EXTL1: variants seen among roughly 807,000 people sequenced by gnomAD.
EXTL1 encodes exostosin-like 1.
EXTL1 carries 43 observed loss-of-function variants against 64.6 expected under a neutral mutation model. The ratio of observed to expected loss-of-function variants is 0.67; its 90% CI spans 0.52 to 0.86. The LOEUF is 0.86. EXTL1 is among the 40% of genes least tolerant of loss of function. The pLI is 0.00. For missense variants in EXTL1, 766 were observed against 879.0 expected (o/e 0.87, Z 1.62); for synonymous variants, 352 against 360.5 (o/e 0.98, Z 0.27).
Position 26,033,601 on chromosome 1 carries a change from G to A in EXTL1, c.1519-95G>A, listed in dbSNP as rs973193144. The A allele has an allele frequency of 5.4e-5, 72 of 1,344,376 alleles. No individual in the cohort carries two copies. The highest frequency in any genetic ancestry group is 1.8e-4 in the East Asian group (8 of 43,396). The allele number at this position is 1,344,376 out of a possible 1,614,324, so 83.3% of individuals were successfully genotyped here. On this transcript the variant is annotated intron_variant, in intron 8 of 10. Transcript: ENST00000374280. The surrounding 1 kb of genome is among the most constrained non-coding windows in gnomAD (Gnocchi z 5.1). ...GCGCCCTCTCCCCTGAGTCCTGCCC[G>A]GGCCCCTCAGCCAGGCTGCCCCTGC...
rs771066693 is a variant in EXTL1 at position 26,023,293 on chromosome 1, G to T, written c.647G>T (p.Arg216Leu). 3 of 1,571,448 alleles carry T rather than the reference G, an allele frequency of 1.9e-6. No individual in the cohort carries two copies. Among genetic ancestry groups the T allele is most frequent in the Non-Finnish European group, 2.6e-6 (3 of 1,155,002 alleles). Reference protein sequence around the residue: ...PLRGGAPGQLRQHSPQPGVAL... With the variant: ...PLRGGAPGQLLQHSPQPGVAL... Reference sequence around the variant, plus strand: ...CGAGGTGGGGCTCCTGGCCAGCTGCGGCAACACAGCCCCCAGCCCGGGGTA... The same window carrying T: ...CGAGGTGGGGCTCCTGGCCAGCTGCTGCAACACAGCCCCCAGCCCGGGGTA... Residue 216 changes from arginine to leucine, a missense_variant, in exon 1 of 11, where the codon CGG (arginine) becomes CTG (leucine). Physicochemically the swap from Arg to Leu is moderately radical, Grantham distance 102 (BLOSUM62 -2). Around this residue, in one of 3 missense-constraint regions of EXTL1, gnomAD observed 571 missense variants for 647.6 expected, o/e 0.88. Coordinates refer to ENST00000374280, the MANE Select transcript of EXTL1 (RefSeq NM_004455.3).
Position 26,033,331 on chromosome 1 carries a change from A to G in EXTL1, c.1518+16A>G. 1.2e-6 allele frequency: 2 copies of G among 1,608,008 alleles called. No homozygotes were observed. The highest frequency in any genetic ancestry group is 1.7e-6 in the Non-Finnish European group (2 of 1,174,602). On this transcript the variant is annotated intron_variant, in intron 8 of 10. Coordinates refer to ENST00000374280, the MANE Select transcript of EXTL1 (RefSeq NM_004455.3). The surrounding 1 kb of genome is among the most constrained non-coding windows in gnomAD (Gnocchi z 5.1). ...CACAAGTGAGGTGAGGGCTGGGCCC[A>G]AGAGAAGCCCAGTGTGGGTAGACAC...
rs1387810813 is a variant in EXTL1 at position 26,035,259 on chromosome 1, T to C, written c.1943T>C (p.Leu648Pro). ...IAAAFGHMPLLSSRLRLDPVL... is the reference protein window; with the variant it reads ...IAAAFGHMPLPSSRLRLDPVL... ...GCAGCGTTCGGCCACATGCCCTTGC[T>C]GTCCTCTCGTCTGCGTCTGGACCCG... Residue 648 changes from leucine (L) to proline (P), a missense_variant, in exon 11 of 11, where the codon CTG (leucine) becomes CCG (proline). By Grantham distance (98) the Leu-to-Pro change is moderately conservative. Around this residue, in one of 3 missense-constraint regions of EXTL1, gnomAD observed 194 missense variants for 214.5 expected, o/e 0.90. Coordinates refer to ENST00000374280, the MANE Select transcript of EXTL1 (RefSeq NM_004455.3). The surrounding 1 kb of genome is among the most constrained non-coding windows in gnomAD (Gnocchi z 5.3). 1.2e-6 allele frequency: 2 copies of C among 1,613,716 alleles called. No homozygotes were observed. Among genetic ancestry groups the C allele is most frequent in the Admixed American group, 1.7e-5 (1 of 60,022 alleles).
In EXTL1 at chr1:26,035,348, G is replaced by T; in HGVS notation, c.*1G>T. ...GTACCGCAGCCTGGAGAAGCCCTAGGGGGGCGACCCGCGGAGACCCCAGCA... is the reference window on the plus strand; with the variant it reads ...GTACCGCAGCCTGGAGAAGCCCTAGTGGGGCGACCCGCGGAGACCCCAGCA... On this transcript the variant is annotated 3_prime_UTR_variant, in exon 11 of 11. Coordinates refer to ENST00000374280, the MANE Select transcript of EXTL1 (RefSeq NM_004455.3). The surrounding 1 kb of genome is among the most constrained non-coding windows in gnomAD (Gnocchi z 5.3). 7 of 1,599,938 alleles carry T rather than the reference G, an allele frequency of 4.4e-6. No individual in the cohort carries two copies. The highest frequency in any genetic ancestry group is 1.7e-5 in the Admixed American group (1 of 59,442).
Position 26,023,130 on chromosome 1 carries a change from C to T in EXTL1, c.484C>T (p.Leu162Phe). 6.2e-7 allele frequency: 1 copy of T among 1,614,010 alleles called. No homozygotes were observed. The highest frequency in any genetic ancestry group is 8.5e-7 in the Non-Finnish European group (1 of 1,180,010). ...GAACAGGGGCAGGAACCATCTGGTCCTCCGTCTCCACCCGGCTCCCTGCCC... is the reference window on the plus strand; with the variant it reads ...GAACAGGGGCAGGAACCATCTGGTCTTCCGTCTCCACCCGGCTCCCTGCCC... ...QWNRGRNHLV[L>F]RLHPAPCPRT... The change falls in exon 1 of 11, where the codon CTC becomes TTC. Residue 162 changes from leucine (L) to phenylalanine (F), a missense_variant. Transcript: ENST00000374280.
Position 26,035,262 on chromosome 1 carries a change from C to T in EXTL1, c.1946C>T (p.Ser649Phe). The change falls in exon 11 of 11, where the codon TCC becomes TTC. Residue 649 changes from serine (S) to phenylalanine (F), a missense_variant. Coordinates refer to ENST00000374280, the MANE Select transcript of EXTL1 (RefSeq NM_004455.3). The surrounding 1 kb of genome is among the most constrained non-coding windows in gnomAD (Gnocchi z 5.3). ...GCGTTCGGCCACATGCCCTTGCTGT[C>T]CTCTCGTCTGCGTCTGGACCCGGTG... is the stretch of plus-strand genomic sequence containing the variant. ...AAAFGHMPLLSSRLRLDPVLF... is the reference protein window; with the variant it reads ...AAAFGHMPLLFSRLRLDPVLF... The T allele has an allele frequency of 6.2e-7, 1 of 1,613,706 alleles. No homozygotes were observed. Among genetic ancestry groups the T allele is most frequent in the South Asian group, 1.1e-5 (1 of 91,084 alleles).
chr1:26,027,344 C>T (rs895922818), intron 1 of EXTL1, among the ~76,000 whole-genome samples: 3 of 152,158 alleles, frequency 2.0e-5, no homozygotes, highest in African/African-American at 7.2e-5. Flanking sequence ...ACAGTGCATA[C>T]CTCCCCTCCT....
At position 26,026,906 on chromosome 1, in the gene EXTL1, G is replaced by A. The variant is rs558084050; in HGVS notation, c.780-2287G>A. Among the ~76,000 whole-genome samples, 13 of 152,282 alleles carry A rather than the reference G, an allele frequency of 8.5e-5. No individual in the cohort carries two copies. In the East Asian group the frequency reaches 1.5e-3, roughly 18 times the overall value. ...CTCTGTAACACATTCCCTGTTCCCC[G>A]CCAAAGGTGCTCATCCAGTCTCTAC... is the stretch of plus-strand genomic sequence containing the variant. On this transcript the variant is annotated intron_variant, in intron 1 of 10. Coordinates refer to ENST00000374280, the MANE Select transcript of EXTL1 (RefSeq NM_004455.3).
Position 26,031,281 on chromosome 1 carries a change from G to T in EXTL1, c.1234+17G>T. 6.2e-7 allele frequency: 1 copy of T among 1,611,586 alleles called. No homozygotes were observed. Among genetic ancestry groups the T allele is most frequent in the South Asian group, 1.1e-5 (1 of 90,810 alleles). ...TGCAACAGGGTATGCCCTGGGGATG[G>T]GACAACCTGAAGTCCCCTCAGCTCT... On this transcript the variant is annotated intron_variant, in intron 5 of 10. Coordinates refer to ENST00000374280, the MANE Select transcript of EXTL1 (RefSeq NM_004455.3).
At chr1:26,031,025 C>A in intron 4 of EXTL1, 107 bp from the exon 5 acceptor site, 3 of 1,419,254 alleles carry the variant, frequency 2.1e-6, no homozygotes, top group Non-Finnish European at 3.0e-6. Context: ...AGCTTCTGAC[C>A]CCAGGGGTCT....
At position 26,034,949 on chromosome 1, in the gene EXTL1, A is replaced by G. The variant is rs1054315972; in HGVS notation, c.1793A>G (p.Lys598Arg). The G allele has an allele frequency of 3.1e-6, 5 of 1,614,198 alleles. No homozygotes were observed. The highest frequency in any genetic ancestry group is 1.6e-4 in the Middle Eastern group (1 of 6,062). The change falls in exon 10 of 11, where the codon AAG becomes AGG. Residue 598 changes from lysine to arginine, a missense_variant. This residue lies in a region of EXTL1 where 194 missense variants were observed against 214.5 expected (regional missense o/e 0.90). Transcript: ENST00000374280. This position sits in a 1 kb window ranked among gnomAD's most constrained non-coding sequence, Gnocchi z 4.6. ...AATTTCATAGTAGCAGCAGTCACCA[A>G]GCTGCCCCCTATCAAGGTGCCCTAT... ...LMNFIVAAVT[K>R]LPPIKVPYGK...
intron 6 of EXTL1, 70 bp from the exon 7 acceptor site, chr1:26,032,326 C>A: frequency 1.0e-6 from 1 of 988,358 alleles, no homozygotes; most frequent in Non-Finnish European, 1.6e-6. Flanking sequence ...TGAGAAAGAT[C>A]ACTCCTGCCC....
At chr1:26,030,694 C>G in intron 4 of EXTL1, 99 bp downstream of exon 4, 1 of 1,361,638 alleles carries the variant, frequency 7.3e-7, no homozygotes, top group Non-Finnish European at 9.9e-7. Flanking sequence ...GGAACCCCCC[C>G]CCCTTCCTTG....
rs989995313 is a variant in EXTL1 at position 26,035,875 on chromosome 1, G to C, written c.*528G>C. 2 of 152,708 alleles carry C rather than the reference G, an allele frequency of 1.3e-5. No individual in the cohort carries two copies. Among genetic ancestry groups the C allele is most frequent in the African/African-American group, 4.8e-5 (2 of 41,476 alleles). The allele number at this position is 152,708 out of a possible 1,614,324, so 9.5% of individuals were successfully genotyped here. On this transcript the variant is annotated 3_prime_UTR_variant, in exon 11 of 11. Transcript: ENST00000374280. This position sits in a 1 kb window ranked among gnomAD's most constrained non-coding sequence, Gnocchi z 5.3. ...CGTGCCTGGCCCTATGAGGGCGGCGGCGGGACAGGGTGAGCGGAGAGACAG... is the reference window on the plus strand; with the variant it reads ...CGTGCCTGGCCCTATGAGGGCGGCGCCGGGACAGGGTGAGCGGAGAGACAG...
intron 1 of EXTL1, among the ~76,000 whole-genome samples, chr1:26,026,376 C>T (rs1012421367): frequency 2.0e-5 from 3 of 150,896 alleles, no homozygotes; most frequent in Non-Finnish European, 4.4e-5. Context: ...TCACTGCGAC[C>T]TCCACTTCCT....
Position 26,033,892 on chromosome 1 carries a change from C to CA in EXTL1, c.1679+37dup. Reference sequence around the variant, plus strand: ...CTACCCTGCACAGGGATCAGAGTATCAGAGGACCAGAGACCCCACCCCCAC... The same window carrying CA: ...CTACCCTGCACAGGGATCAGAGTATCAAGAGGACCAGAGACCCCACCCCCAC... On this transcript the variant is annotated intron_variant, in intron 9 of 10. Transcript: ENST00000374280. This position sits in a 1 kb window ranked among gnomAD's most constrained non-coding sequence, Gnocchi z 5.1. The CA allele has an allele frequency of 6.4e-7, 1 of 1,571,648 alleles. No homozygotes were observed. Among genetic ancestry groups the CA allele is most frequent in the Non-Finnish European group, 8.7e-7 (1 of 1,155,454 alleles).
intron 1 of EXTL1, among the ~76,000 whole-genome samples, chr1:26,027,096 A>G (rs2050224829): frequency 6.6e-6 from 1 of 152,184 alleles, no homozygotes; most frequent in Non-Finnish European, 1.5e-5. Context: ...ATTCGGCAGC[A>G]CCCACTGAGC....
In EXTL1 at chr1:26,035,424, C is replaced by G. The variant is rs2050329363; in HGVS notation, c.*77C>G. 1.5e-6 allele frequency: 2 copies of G among 1,352,418 alleles called. No individual in the cohort carries two copies. Among genetic ancestry groups the G allele is most frequent in the Admixed American group, 5.0e-5 (2 of 40,260 alleles). 83.8% of individuals were successfully genotyped at this position (1,352,418 alleles called of 1,614,324 possible). The stretch of plus-strand genomic sequence containing the variant: ...GCCCGGCGCCTGCCGGCGGGCTCCG[C>G]TCTTGGGACACCGGAGAACCTATCA... On this transcript the variant is annotated 3_prime_UTR_variant, in exon 11 of 11. Transcript: ENST00000374280. This position sits in a 1 kb window ranked among gnomAD's most constrained non-coding sequence, Gnocchi z 5.3.
At position 26,022,583 on chromosome 1, in the gene EXTL1, C is replaced by A; in HGVS notation, c.-64C>A. The A allele has an allele frequency of 7.1e-7, 1 of 1,410,342 alleles. No individual in the cohort carries two copies. Among genetic ancestry groups the A allele is most frequent in the Non-Finnish European group, 9.7e-7 (1 of 1,031,744 alleles). The allele number at this position is 1,410,342 out of a possible 1,614,324, so 87.4% of individuals were successfully genotyped here. A position where few individuals can be genotyped will look rare whatever the true frequency, so the allele number is the denominator to read the frequency against. ...CCAGCTCTGGTCTCCCGCCCCAGGC[C>A]CTGCTCTTCCTGCTTGCTGGCAGAG... On this transcript the variant is annotated 5_prime_UTR_variant, in exon 1 of 11. Coordinates refer to ENST00000374280, the MANE Select transcript of EXTL1 (RefSeq NM_004455.3).
Sources: gnomAD v4.1 joint callset for allele counts (sites outside exome capture counted in the v4.1 genomes callset) on GRCh38, gnomAD v4.1.1 for gene constraint, gnomAD v4.1.1 regional missense constraint, Gnocchi (gnomAD v3.1) non-coding constraint, MANE v1.5 for transcripts, NCBI Gene and HGNC (gene_info 2026-07-23, HGNC 2026-07-21) for gene names.